The following PKHD1L1 variants were observed in gnomAD, a reference collection of about 807,000 sequenced individuals.
The protein encoded by PKHD1L1 is PKHD1 like 1, also known as fibrocystin-L.
A neutral mutation model predicts 462.9 loss-of-function variants in PKHD1L1; 434 were observed. The observed-to-expected ratio is 0.94, with a 90% CI of 0.87 to 1.02. PKHD1L1 has a LOEUF of 1.02. Ranked by LOEUF, PKHD1L1 falls within the 50% of genes least tolerant of loss-of-function variation. The probability of loss-of-function intolerance (pLI) is 0.00; values close to 1 mark genes in which losing one functional copy is unlikely to be tolerated. For missense variants in PKHD1L1, 5,202 were observed against 5,096.1 expected (o/e 1.02, Z -0.63); for synonymous variants, 1,781 against 1,750.0 (o/e 1.02, Z -0.44).
At chr8:109,363,190 T>A (rs1009680989) in intron 1 of PKHD1L1, among the ~76,000 whole-genome samples, 1 of 152,178 alleles carries the variant, frequency 6.6e-6, no homozygotes, top group Non-Finnish European at 1.5e-5. Context: ...ATTGGAGTTG[T>A]CTGTGGAGAT....
intron 76 of PKHD1L1, 83 bp downstream of exon 76, chr8:109,523,469 G>A (rs1156892937): frequency 7.6e-7 from 1 of 1,308,972 alleles, no homozygotes; most frequent in Non-Finnish European, 1.0e-6. Context: ...AAAGCATTCT[G>A]TAACACTCTG....
intron 14 of PKHD1L1, among the ~76,000 whole-genome samples, chr8:109,404,032 G>T (rs1465433374): frequency 2.0e-5 from 3 of 152,132 alleles, no homozygotes; most frequent in Non-Finnish European, 4.4e-5. Flanking sequence ...GAGGATCATA[G>T]TAAATCTGAC....
chr8:109,431,642 A>G (rs923813888), intron 27 of PKHD1L1, among the ~76,000 whole-genome samples: 1 of 152,110 alleles, frequency 6.6e-6, no homozygotes, highest in Non-Finnish European at 1.5e-5. Flanking sequence ...TCATTTTGAG[A>G]TATATTTATG....
chr8:109,394,309 A>G (rs928188300), intron 9 of PKHD1L1, 106 bp from the exon 10 acceptor site: 37 of 627,220 alleles, frequency 5.9e-5, no homozygotes, highest in Admixed American at 9.5e-5. Flanking sequence ...CAAAAGTTCC[A>G]TCGTGCTCTT....
At chr8:109,395,657 G>C (rs1469053863) in intron 10 of PKHD1L1, among the ~76,000 whole-genome samples, 1 of 152,166 alleles carries the variant, frequency 6.6e-6, no homozygotes, top group African/African-American at 2.4e-5. Flanking sequence ...AAAATTATAA[G>C]AGGTTGGTCC....
Position 109,429,657 on chromosome 8 carries a change from A to AT in PKHD1L1, c.3123+202dup, listed in dbSNP as rs1425524402. Among the ~76,000 whole-genome samples, 19 of 152,214 alleles carry AT rather than the reference A, an allele frequency of 1.2e-4. No individual in the cohort carries two copies. In the South Asian group the frequency reaches 2.3e-3, roughly 18 times the overall value. On this transcript the variant is annotated intron_variant, in intron 26 of 77. Transcript: ENST00000378402. The stretch of plus-strand genomic sequence containing the variant: ...TATCTTCCTTATGATAAAATAGTAG[A>AT]TTTTTTTAGCTCTACTATGCCAGAA...
At chr8:109,378,408 C>G (rs892750520) in intron 2 of PKHD1L1, among the ~76,000 whole-genome samples, 2 of 152,212 alleles carry the variant, frequency 1.3e-5, no homozygotes, top group African/African-American at 2.4e-5. Flanking sequence ...CCTACCATTT[C>G]TCTTCACCCA....
Position 109,394,614 on chromosome 8 carries a change from T to C in PKHD1L1, c.811+129T>C, listed in dbSNP as rs1037657362. On this transcript the variant is annotated intron_variant, in intron 10 of 77. Coordinates refer to ENST00000378402, the MANE Select transcript of PKHD1L1 (RefSeq NM_177531.6). ...TGATGTACTGCTAGGAAAGGAAAAATCCCTAAGATGGGGAGTCTAACAGGA... is the reference window on the plus strand; with the variant it reads ...TGATGTACTGCTAGGAAAGGAAAAACCCCTAAGATGGGGAGTCTAACAGGA... 5.8e-6 allele frequency: 3 copies of C among 517,354 alleles called. No homozygotes were observed. The African/African-American group carries it at 5.9e-5, about 10-fold the overall frequency. The allele number at this position is 517,354 out of a possible 1,614,324, so 32.0% of individuals were successfully genotyped here.
At chr8:109,385,370 T>C (rs895713356) in intron 5 of PKHD1L1, among the ~76,000 whole-genome samples, 167 bp from the exon 6 acceptor site, 12 of 152,074 alleles carry the variant, frequency 7.9e-5, no homozygotes, top group African/African-American at 1.7e-4. Flanking sequence ...ATTCATATTT[T>C]ATTGTGTTTG....
chr8:109,497,087 G>T lies in PKHD1L1; in HGVS notation c.10476+20G>T, dbSNP rs754306627. 20 of 1,612,526 alleles carry T rather than the reference G, an allele frequency of 1.2e-5. 1 individual carries two copies. In the East Asian group the frequency reaches 3.6e-4, roughly 29 times the overall value. On this transcript the variant is annotated intron_variant, in intron 64 of 77. Coordinates refer to ENST00000378402, the MANE Select transcript of PKHD1L1 (RefSeq NM_177531.6). ...TTTCAGGTAATTATGATTAAAGATG[G>T]TGATTGTTTATTTTCTTTTATGATT...
chr8:109,490,013 C>A lies in PKHD1L1; in HGVS notation c.9942C>A (p.Ser3314Arg). Residue 3314 changes from serine (S) to arginine (R), a missense_variant, in exon 60 of 78, where the codon AGC (serine) becomes AGA (arginine). Physicochemically the swap from Ser to Arg is moderately radical, Grantham distance 110 (BLOSUM62 -1). This residue lies in a region of PKHD1L1 where 4,497 missense variants were observed against 4,336.8 expected (regional missense o/e 1.04). Transcript: ENST00000378402. The part of the protein sequence containing the change: ...YHSGQEGFRD[S>R]TDPRYAVTFL... ...GTGGTCAAGAAGGCTTCAGGGATAGCACAGATCCAAGATATGCTGTAACGT... is the reference window on the plus strand; with the variant it reads ...GTGGTCAAGAAGGCTTCAGGGATAGAACAGATCCAAGATATGCTGTAACGT... 6.2e-7 allele frequency: 1 copy of A among 1,609,068 alleles called. No homozygotes were observed. Among genetic ancestry groups the A allele is most frequent in the South Asian group, 1.1e-5 (1 of 90,738 alleles).
At chr8:109,364,463 C>G in intron 1 of PKHD1L1, 84 bp from the exon 2 acceptor site, 2 of 897,378 alleles carry the variant, frequency 2.2e-6, no homozygotes, top group Non-Finnish European at 3.5e-6. Flanking sequence ...TTCCTTGCAA[C>G]CTTGTGGTAT....
rs1815954618 is a variant in PKHD1L1, at chr8:109,443,794, A to C, written c.4683A>C (p.Ser1561=). The C allele has an allele frequency of 6.2e-7, 1 of 1,613,764 alleles. No homozygotes were observed. The highest frequency in any genetic ancestry group is 1.1e-5 in the South Asian group (1 of 91,086). The change falls in exon 37 of 78, where the codon TCA becomes TCC. Residue 1561 remains serine (S), a synonymous_variant. Transcript: ENST00000378402. The stretch of plus-strand genomic sequence containing the variant: ...CAAAAAGATTGCTATTTGAGGTTTC[A>C]AGTTGTTTTTCACCATCTATAAGCA... ...KNSKRLLFEV[S]SCFSPSISNI... is the part of the protein sequence containing the mutation.
chr8:109,459,424 TAATC>T (rs1198355426), intron 46 of PKHD1L1, among the ~76,000 whole-genome samples, 167 bp from the exon 47 acceptor site: 3 of 140,766 alleles, frequency 2.1e-5, no homozygotes, highest in African/African-American at 7.5e-5. Context: ...AAAACTTAGT[TAATC>T]AAGCAAGAAT....
chr8:109,490,938 T>G, intron 60 of PKHD1L1, 34 bp from the exon 61 acceptor site: 1 of 1,508,930 alleles, frequency 6.6e-7, no homozygotes. Flanking sequence ...TAATTTTATT[T>G]TAAAAATGTT....
Position 109,382,503 on chromosome 8 carries a change from G to A in PKHD1L1, c.349G>A (p.Asp117Asn). 6.2e-7 allele frequency: 1 copy of A among 1,612,430 alleles called. No individual in the cohort carries two copies. Among genetic ancestry groups the A allele is most frequent in the South Asian group, 1.1e-5 (1 of 90,862 alleles). ...EDSYTVRVSVDGVPVTENNTC... is the reference protein window; with the variant it reads ...EDSYTVRVSVNGVPVTENNTC... ...TTCCTACACTGTTAGAGTCAGTGTG[G>A]ACGGGGTTCCTGTTACGGAAAATAA... is the stretch of plus-strand genomic sequence containing the variant. The change falls in exon 4 of 78, where the codon GAC (aspartate) becomes AAC (asparagine). Residue 117 changes from aspartate to asparagine, a missense_variant. By Grantham distance (23) the Asp-to-Asn change is conservative. Transcript: ENST00000378402.
chr8:109,383,187 A>G (rs1487800327), intron 4 of PKHD1L1, among the ~76,000 whole-genome samples: 4 of 105,758 alleles, frequency 3.8e-5, no homozygotes, highest in African/African-American at 1.5e-4. Context: ...AATATATATA[A>G]TTATATATAA....
Position 109,445,484 on chromosome 8 carries a change from T to C in PKHD1L1, c.5615T>C (p.Ile1872Thr). The C allele has an allele frequency of 6.2e-7, 1 of 1,613,816 alleles. No individual in the cohort carries two copies. The highest frequency in any genetic ancestry group is 1.1e-5 in the South Asian group (1 of 91,046). Residue 1872 changes from isoleucine (I) to threonine (T), a missense_variant, in exon 38 of 78, where the codon ATT becomes ACT. Transcript: ENST00000378402. ...ACTATTGGGGATGAACCTTGTCAAA[T>C]TATTTCCATCAACCCCAATGAAGTC... The part of the protein sequence containing the change: ...TVTIGDEPCQ[I>T]ISINPNEVYC...
intron 45 of PKHD1L1, among the ~76,000 whole-genome samples, chr8:109,455,352 AAAAC>A (rs1205398279): frequency 2.0e-5 from 3 of 152,148 alleles, no homozygotes; most frequent in Admixed American, 6.5e-5. Context: ...TCAACAAAAC[AAAAC>A]AAACAAACAA....
Sources: allele counts gnomAD v4.1 joint callset (sites outside exome capture counted in the v4.1 genomes callset), GRCh38; gene constraint gnomAD v4.1.1; regional missense constraint gnomAD v4.1.1; transcripts MANE v1.5; gene names NCBI Gene and HGNC (gene_info 2026-07-23, HGNC 2026-07-21).